The following SCN2A variants were observed in gnomAD, a reference collection of about 807,000 sequenced individuals.
SCN2A encodes sodium channel protein type 2 subunit alpha.
A neutral mutation model predicts 188.7 loss-of-function variants in SCN2A; 20 were observed. The ratio of observed to expected loss-of-function variants is 0.11; its 90% CI spans 0.07 to 0.15. The LOEUF is 0.15. Among genes scored for constraint, SCN2A ranks in the 10% least tolerant of loss-of-function variants. The probability of loss-of-function intolerance (pLI) is 1.00; values close to 1 mark genes in which losing one functional copy is unlikely to be tolerated. For missense variants in SCN2A, 1,278 were observed against 2,445.0 expected (o/e 0.52, Z 10.07); for synonymous variants, 804 against 833.1 (o/e 0.97, Z 0.60).
chr2:165,246,102 A>T (rs549905991), intron 1 of SCN2A, among the ~76,000 whole-genome samples: 1 of 152,304 alleles, frequency 6.6e-6, no homozygotes, highest in South Asian at 2.1e-4. Context: ...GACTCACAGC[A>T]TCATAAATCT....
At chr2:165,382,665 T>C (rs1701663154) in intron 25 of SCN2A, among the ~76,000 whole-genome samples, 1 of 152,120 alleles carries the variant, frequency 6.6e-6, no homozygotes, top group Non-Finnish European at 1.5e-5. Flanking sequence ...ACAGAGAATC[T>C]AAAATATAAG....
chr2:165,294,173 G>A, intron 1 of SCN2A: 1 of 881,114 alleles, frequency 1.1e-6, no homozygotes, highest in Non-Finnish European at 1.4e-6. Flanking sequence ...TATTCTCTGT[G>A]ATGCTTCTCT....
chr2:165,264,253 C>G (rs1024765933), intron 1 of SCN2A, among the ~76,000 whole-genome samples: 2 of 152,100 alleles, frequency 1.3e-5, no homozygotes, highest in African/African-American at 4.8e-5. Flanking sequence ...AGATAATCCA[C>G]TATGATCAAG....
rs115509835 is a variant in SCN2A at position 165,278,220 on chromosome 2, G to A, written c.-51-17553G>A. 3.4e-3 allele frequency among the ~76,000 whole-genome samples: 521 copies of A among 152,286 alleles called. 3 individuals are homozygous for A. Among genetic ancestry groups the A allele is most frequent in the Non-Finnish European group, 5.8e-3 (394 of 68,036 alleles). The stretch of plus-strand genomic sequence containing the variant: ...ACCGTGAGCACATTATATTTTGTGT[G>A]TACCATAAGACACTGGTAGAGTATA... On this transcript the variant is annotated intron_variant, in intron 1 of 26. Coordinates refer to ENST00000375437, the MANE Select transcript of SCN2A (RefSeq NM_001040142.2).
chr2:165,387,998 T>C (rs1421595958), intron 26 of SCN2A, among the ~76,000 whole-genome samples: 1 of 152,144 alleles, frequency 6.6e-6, no homozygotes, highest in Non-Finnish European at 1.5e-5. Flanking sequence ...TAAAATGTTA[T>C]TGTGAGGATT....
At chr2:165,371,594 T>G (rs529476076) in intron 20 of SCN2A, 32 of 152,232 alleles carry the variant, frequency 2.1e-4, no homozygotes, top group African/African-American at 6.7e-4. Context: ...CGTTAAAACG[T>G]TGGTGCATGA....
chr2:165,372,988 G>A (rs372172410), intron 20 of SCN2A: 5 of 403,532 alleles, frequency 1.2e-5, no homozygotes, highest in Non-Finnish European at 2.3e-5. Context: ...TTTTTTATAA[G>A]TGTTCGCAGA....
intron 1 of SCN2A, among the ~76,000 whole-genome samples, chr2:165,244,410 A>G (rs1204642190): frequency 6.6e-6 from 1 of 152,134 alleles, no homozygotes; most frequent in Admixed American, 6.5e-5. Flanking sequence ...AATCAGAAGT[A>G]TAATTTTTTT....
chr2:165,341,644 A>G (rs1362988975), intron 14 of SCN2A, among the ~76,000 whole-genome samples: 1 of 152,236 alleles, frequency 6.6e-6, no homozygotes, highest in Non-Finnish European at 1.5e-5. Flanking sequence ...AACAAAGTTC[A>G]GGCTGGCTGA....
chr2:165,343,758 A>G (rs1255487718), intron 15 of SCN2A, among the ~76,000 whole-genome samples: 1 of 152,194 alleles, frequency 6.6e-6, no homozygotes, highest in Admixed American at 6.5e-5. Flanking sequence ...ACATTTACAC[A>G]CTACACTGAA....
At chr2:165,324,400 G>A (rs1698243358) in intron 12 of SCN2A, among the ~76,000 whole-genome samples, 1 of 152,080 alleles carries the variant, frequency 6.6e-6, no homozygotes, top group South Asian at 2.1e-4. Flanking sequence ...ATGATACGGA[G>A]TTCGTTTTCA....
intron 22 of SCN2A, 51 bp downstream of exon 22, chr2:165,375,017 A>T: frequency 6.6e-7 from 1 of 1,522,774 alleles, no homozygotes; most frequent in Non-Finnish European, 9.1e-7. Flanking sequence ...AATGAGTCTA[A>T]AGTTTTTCTT....
chr2:165,347,564 A>G (rs1236539360), intron 16 of SCN2A, among the ~76,000 whole-genome samples: 1 of 152,188 alleles, frequency 6.6e-6, no homozygotes, highest in Non-Finnish European at 1.5e-5. Flanking sequence ...CATGTTCTAC[A>G]CATGTATCCC....
intron 14 of SCN2A, among the ~76,000 whole-genome samples, chr2:165,335,394 C>T (rs922819029): frequency 1.3e-5 from 2 of 151,732 alleles, no homozygotes; most frequent in South Asian, 4.1e-4. Flanking sequence ...TTGGTACTGG[C>T]ATAAGGATAG....
chr2:165,248,489 G>A (rs1693951446), intron 1 of SCN2A, among the ~76,000 whole-genome samples: 3 of 152,102 alleles, frequency 2.0e-5, no homozygotes, highest in South Asian at 4.1e-4. Context: ...GAGCTCAAAT[G>A]TCGTTTCTAA....
At chr2:165,290,608 T>C (rs1301170405) in intron 1 of SCN2A, 1 of 191,498 alleles carries the variant, frequency 5.2e-6, no homozygotes. Context: ...AATTTGTTTA[T>C]TCTTAATTTA....
At chr2:165,376,433 C>A (rs1423704939) in intron 22 of SCN2A, among the ~76,000 whole-genome samples, 3 of 151,834 alleles carry the variant, frequency 2.0e-5, no homozygotes, top group Admixed American at 6.6e-5. Flanking sequence ...TAATACTATA[C>A]AACAATAAAA....
At chr2:165,254,863 A>G (rs1694249391) in intron 1 of SCN2A, among the ~76,000 whole-genome samples, 1 of 151,796 alleles carries the variant, frequency 6.6e-6, no homozygotes. Flanking sequence ...TTATTAGAAC[A>G]TTTACAAGTA....
chr2:165,287,200 C>T (rs996992576), intron 1 of SCN2A, among the ~76,000 whole-genome samples: 2 of 152,186 alleles, frequency 1.3e-5, no homozygotes, highest in African/African-American at 2.4e-5. Flanking sequence ...TGGCCCTTGA[C>T]TTGAAGTTTT....
Sources: allele counts gnomAD v4.1 joint callset (sites outside exome capture counted in the v4.1 genomes callset), GRCh38; gene constraint gnomAD v4.1.1; transcripts MANE v1.5; gene names NCBI Gene and HGNC (gene_info 2026-07-23, HGNC 2026-07-21).